The following PAK1 variants were observed in gnomAD, a reference collection of about 807,000 sequenced individuals.
The protein encoded by PAK1 is serine/threonine-protein kinase PAK 1.
In PAK1, 29 loss-of-function variants were observed where a neutral mutation model predicts 67.4. That is an observed-to-expected ratio of 0.43 (90% CI 0.32 to 0.59). The LOEUF (loss-of-function observed/expected upper bound fraction) is 0.59. Ranked by LOEUF, PAK1 falls within the 20% of genes least tolerant of loss-of-function variation. PAK1 has a pLI of 0.07. For synonymous variants in PAK1, 223 were observed against 237.4 expected (o/e 0.94, Z 0.56); for missense variants, 337 against 670.7 (o/e 0.50, Z 5.50).
chr11:77,346,575 T>A (rs1944454865), intron 9 of PAK1, among the ~76,000 whole-genome samples: 1 of 152,196 alleles, frequency 6.6e-6, no homozygotes, highest in Non-Finnish European at 1.5e-5. Flanking sequence ...AGTAAATAAT[T>A]TAAGCAATAA....
At chr11:77,397,963 C>G (rs887408635) in intron 1 of PAK1, among the ~76,000 whole-genome samples, 7 of 152,128 alleles carry the variant, frequency 4.6e-5, no homozygotes, top group Non-Finnish European at 7.4e-5. Context: ...ACTCAAACCT[C>G]ATCTTTAATT....
intron 1 of PAK1, among the ~76,000 whole-genome samples, chr11:77,393,961 C>G (rs1459368410): frequency 6.6e-6 from 1 of 152,138 alleles, no homozygotes; most frequent in Non-Finnish European, 1.5e-5. Context: ...CAAGATCGCA[C>G]CACTGTACTC....
chr11:77,429,823 G>T (rs1252622677), intron 1 of PAK1, among the ~76,000 whole-genome samples: 1 of 152,186 alleles, frequency 6.6e-6, no homozygotes, highest in African/African-American at 2.4e-5. Flanking sequence ...TAATAGTAAT[G>T]TAACAGTGTT....
intron 12 of PAK1, among the ~76,000 whole-genome samples, 178 bp downstream of exon 12, chr11:77,337,146 A>G (rs1444680738): frequency 2.0e-5 from 3 of 151,990 alleles, no homozygotes; most frequent in Non-Finnish European, 2.9e-5. Flanking sequence ...AAATGAATGA[A>G]AAAATAATGA....
intron 6 of PAK1, among the ~76,000 whole-genome samples, chr11:77,357,115 C>T (rs952905665): frequency 6.6e-6 from 1 of 152,054 alleles, no homozygotes; most frequent in African/African-American, 2.4e-5. Context: ...TCCTGAAGGA[C>T]GGATAGGTTT....
At chr11:77,524,669 C>A in the PAK1 span, among the ~76,000 whole-genome samples, 1 of 152,160 alleles carries the variant, frequency 6.6e-6, no homozygotes, top group African/African-American at 2.4e-5. Flanking sequence ...CAGTATGTGG[C>A]TTAAGGCCTG....
intron 1 of PAK1, among the ~76,000 whole-genome samples, chr11:77,446,529 A>AT (rs1187385689): frequency 1.3e-5 from 2 of 151,390 alleles, no homozygotes; most frequent in Non-Finnish European, 2.9e-5. Flanking sequence ...AAAAAAAAAA[A>AT]AAAAAGAAAG....
chr11:77,412,834 C>T (rs1052874639), intron 1 of PAK1, among the ~76,000 whole-genome samples: 1 of 152,206 alleles, frequency 6.6e-6, no homozygotes, highest in Non-Finnish European at 1.5e-5. Flanking sequence ...TACGTCAAAA[C>T]GGAGGTCCAG....
intron 1 of PAK1, among the ~76,000 whole-genome samples, chr11:77,443,093 G>T (rs1449861766): frequency 6.6e-6 from 1 of 152,148 alleles, no homozygotes; most frequent in African/African-American, 2.4e-5. Context: ...GGGAGGCCGA[G>T]GTGGGTGGAT....
intron 1 of PAK1, among the ~76,000 whole-genome samples, chr11:77,473,164 C>T (rs1418780305): frequency 6.6e-6 from 1 of 152,234 alleles, no homozygotes; most frequent in East Asian, 1.9e-4. Context: ...CTTTGCTGTG[C>T]CTCCTCGTAG....
intron 1 of PAK1, among the ~76,000 whole-genome samples, chr11:77,438,445 C>A (rs1451432059): frequency 6.6e-6 from 1 of 152,182 alleles, no homozygotes; most frequent in Non-Finnish European, 1.5e-5. Context: ...GTATCAAAGG[C>A]TTGCCTCCAA....
At chr11:77,405,331 CT>C (rs1222943315) in intron 1 of PAK1, among the ~76,000 whole-genome samples, 1 of 152,146 alleles carries the variant, frequency 6.6e-6, no homozygotes, top group African/African-American at 2.4e-5. Context: ...GTTTTGAGCA[CT>C]GATCTGATTT....
intron 2 of PAK1, among the ~76,000 whole-genome samples, chr11:77,386,566 G>A (rs879888069): frequency 6.6e-6 from 1 of 151,972 alleles, no homozygotes; most frequent in Non-Finnish European, 1.5e-5. Flanking sequence ...CATCCCCCAG[G>A]CACATACTGA....
chr11:77,358,859 T>C (rs201085665), intron 6 of PAK1, 39 bp downstream of exon 6: 15 of 1,610,236 alleles, frequency 9.3e-6, no homozygotes, highest in Non-Finnish European at 1.2e-5. Flanking sequence ...CCACTTACTC[T>C]AATAAATCAC....
intron 1 of PAK1, among the ~76,000 whole-genome samples, chr11:77,435,783 T>C (rs181209881): frequency 1.3e-3 from 194 of 151,582 alleles, no homozygotes; most frequent in African/African-American, 4.4e-3. Context: ...GCTGGGATTA[T>C]AGGCGTAAGC....
At chr11:77,466,313 T>C (rs1272975271) in intron 1 of PAK1, among the ~76,000 whole-genome samples, 1 of 152,042 alleles carries the variant, frequency 6.6e-6, no homozygotes, top group Non-Finnish European at 1.5e-5. Flanking sequence ...TTTTTAAAAA[T>C]GTCTTCAAGG....
chr11:77,456,245 T>C (rs1044852395), intron 1 of PAK1, among the ~76,000 whole-genome samples: 3 of 152,146 alleles, frequency 2.0e-5, no homozygotes, highest in African/African-American at 7.2e-5. Context: ...TCTCCCACTC[T>C]TGGAGCCTTA....
chr11:77,515,490 C>T, the PAK1 span, among the ~76,000 whole-genome samples: 5 of 152,182 alleles, frequency 3.3e-5, no homozygotes, highest in South Asian at 2.1e-4. Context: ...TCCTGTGTTA[C>T]GGGATGGTTT....
At chr11:77,386,337 T>A (rs1193765892) in intron 2 of PAK1, among the ~76,000 whole-genome samples, 1 of 152,216 alleles carries the variant, frequency 6.6e-6, no homozygotes, top group Admixed American at 6.5e-5. Context: ...AATGTTAAAA[T>A]TAACTTTGCT....
Sources: gnomAD v4.1 joint callset for allele counts (sites outside exome capture counted in the v4.1 genomes callset) on GRCh38, gnomAD v4.1.1 for gene constraint, MANE v1.5 for transcripts, NCBI Gene and HGNC (gene_info 2026-07-23, HGNC 2026-07-21) for gene names.